Variants in STAB2 observed in about 807,000 individuals in gnomAD.
STAB2 encodes stabilin 2, also known as stabilin-2.
A neutral mutation model predicts 338.1 loss-of-function variants in STAB2; 288 were observed. That is an observed-to-expected ratio of 0.85 (90% CI 0.77 to 0.94). STAB2 has a LOEUF of 0.94. Among genes scored for constraint, STAB2 ranks in the 40% least tolerant of loss-of-function variants. STAB2 has a pLI of 0.00. For missense variants in STAB2, 3,141 were observed against 3,210.1 expected (o/e 0.98, Z 0.52); for synonymous variants, 1,202 against 1,193.3 (o/e 1.01, Z -0.15).
rs140478854 is a variant in STAB2 at position 103,611,619 on chromosome 12, T to C, written c.332-8849T>C. Reference sequence around the variant, plus strand: ...GATGGGTTTCCTGAGTACAGCACACTGATGGGTCTTGACTCTTTATGCAAT... The same window carrying C: ...GATGGGTTTCCTGAGTACAGCACACCGATGGGTCTTGACTCTTTATGCAAT... On this transcript the variant is annotated intron_variant, in intron 3 of 68. Coordinates refer to ENST00000388887, the MANE Select transcript of STAB2 (RefSeq NM_017564.10). Among the ~76,000 whole-genome samples, 76 of 152,328 alleles carry C rather than the reference T, an allele frequency of 5.0e-4. No individual in the cohort carries two copies. In the East Asian group the frequency reaches 0.014, roughly 27 times the overall value.
At chr12:103,648,432 G>T (rs575325075) in intron 9 of STAB2, among the ~76,000 whole-genome samples, 3 of 152,090 alleles carry the variant, frequency 2.0e-5, no homozygotes, top group Non-Finnish European at 4.4e-5. Flanking sequence ...GATGTGCATG[G>T]TTTCTTGATC....
rs1262056739 is a variant in STAB2, at chr12:103,708,515, C to A, written c.4267C>A (p.Arg1423=). The A allele has an allele frequency of 1.9e-6, 3 of 1,613,860 alleles. No homozygotes were observed. The highest frequency in any genetic ancestry group is 2.5e-6 in the Non-Finnish European group (3 of 1,179,908). The change falls in exon 39 of 69, where the codon CGA becomes AGA. Residue 1423 remains arginine, a synonymous_variant. Transcript: ENST00000388887. ...DGSCDCDVGW[R]GVHCDNATTE... Reference sequence around the variant, plus strand: ...CTCCTGTGACTGTGATGTTGGCTGGCGAGGAGTGCATTGTGACAATGGTAA... The same window carrying A: ...CTCCTGTGACTGTGATGTTGGCTGGAGAGGAGTGCATTGTGACAATGGTAA...
chr12:103,754,224 C>G (rs1883917463), intron 61 of STAB2, among the ~76,000 whole-genome samples: 1 of 152,020 alleles, frequency 6.6e-6, no homozygotes, highest in Non-Finnish European at 1.5e-5. Flanking sequence ...CTCCTGCTTG[C>G]TGGTCATGTG....
At position 103,719,354 on chromosome 12, in the gene STAB2, CAAAG is replaced by C. The variant is rs138627666; in HGVS notation, c.4683+1515_4683+1518del. ...ACTGTTATTAACCCCATTTTACAGACAAAGAGACTCTAGCTGTGCCTCTTTCCTA... is the reference window on the plus strand; with the variant it reads ...ACTGTTATTAACCCCATTTTACAGACAGACTCTAGCTGTGCCTCTTTCCTA... On this transcript the variant is annotated intron_variant, in intron 44 of 68. Coordinates refer to ENST00000388887, the MANE Select transcript of STAB2 (RefSeq NM_017564.10). Among the ~76,000 whole-genome samples, 894 of 152,330 alleles carry C rather than the reference CAAAG, an allele frequency of 5.9e-3. 10 individuals are homozygous for C. Among genetic ancestry groups the C allele is most frequent in the African/African-American group, 0.02 (850 of 41,564 alleles).
At chr12:103,695,939 C>A in intron 33 of STAB2, 95 bp downstream of exon 33, 1 of 1,145,364 alleles carries the variant, frequency 8.7e-7, no homozygotes, top group Non-Finnish European at 1.3e-6. Flanking sequence ...TTCACTCCTT[C>A]ATCCTTGTCC....
chr12:103,666,973 T>C (rs548585647), intron 19 of STAB2, among the ~76,000 whole-genome samples: 1 of 152,322 alleles, frequency 6.6e-6, no homozygotes, highest in African/African-American at 2.4e-5. Context: ...AGGAAAACAG[T>C]TGTGCAATGA....
At chr12:103,594,555 C>A in intron 3 of STAB2, 45 bp downstream of exon 3, 1 of 1,437,548 alleles carries the variant, frequency 7.0e-7, no homozygotes. Context: ...TTCTTGGTAT[C>A]TCATTTGGTA....
chr12:103,609,150 G>A (rs1957080847), intron 3 of STAB2, among the ~76,000 whole-genome samples: 2 of 152,174 alleles, frequency 1.3e-5, no homozygotes, highest in Non-Finnish European at 2.9e-5. Context: ...TTTTGGCTTA[G>A]GATTGTCTTG....
At chr12:103,649,830 G>A (rs1055136743) in intron 10 of STAB2, among the ~76,000 whole-genome samples, 2 of 152,102 alleles carry the variant, frequency 1.3e-5, no homozygotes, top group Non-Finnish European at 2.9e-5. Context: ...ACCAGACAGG[G>A]GGGAGGTAGT....
intron 33 of STAB2, 66 bp downstream of exon 33, chr12:103,695,910 T>C: frequency 6.7e-7 from 1 of 1,487,242 alleles, no homozygotes; most frequent in Non-Finnish European, 9.4e-7. Flanking sequence ...GTGTTTGTAA[T>C]CCATTAGTTG....
intron 64 of STAB2, 126 bp downstream of exon 64, chr12:103,758,415 G>T: frequency 6.8e-7 from 1 of 1,478,476 alleles, no homozygotes; most frequent in Non-Finnish European, 9.1e-7. Flanking sequence ...ATCATCTGCA[G>T]ATCAGTTGGC....
chr12:103,622,164 A>G, intron 5 of STAB2, 53 bp downstream of exon 5: 1 of 1,576,022 alleles, frequency 6.3e-7, no homozygotes, highest in Non-Finnish European at 8.7e-7. Flanking sequence ...ACAGTCCATG[A>G]GAAAGATTGC....
chr12:103,745,019 A>T (rs1276466292), intron 56 of STAB2, among the ~76,000 whole-genome samples, 154 bp from the exon 57 acceptor site: 1 of 152,184 alleles, frequency 6.6e-6, no homozygotes, highest in Admixed American at 6.5e-5. Flanking sequence ...TCCCTGAATA[A>T]GTTATTTTTT....
rs756232789 is a variant in STAB2, at chr12:103,755,722, T to G, written c.6987+4T>G. The G allele has an allele frequency of 6.2e-7, 1 of 1,614,066 alleles. No homozygotes were observed. Among genetic ancestry groups the G allele is most frequent in the South Asian group, 1.1e-5 (1 of 91,078 alleles). Reference sequence around the variant, plus strand: ...CTCACTCACAAACTTCCTGACGGTATGTACCATGTCTGCTTGGTTTGCCTC... The same window carrying G: ...CTCACTCACAAACTTCCTGACGGTAGGTACCATGTCTGCTTGGTTTGCCTC... On this transcript the variant is annotated splice_donor_region_variant and intron_variant, in intron 63 of 68. Transcript: ENST00000388887.
intron 9 of STAB2, among the ~76,000 whole-genome samples, chr12:103,641,828 T>C (rs944260411): frequency 1.3e-5 from 2 of 152,170 alleles, no homozygotes; most frequent in Non-Finnish European, 2.9e-5. Context: ...ACACCTCAAA[T>C]TGACTGTCTT....
At chr12:103,747,995 CAAAAAAAAA>C (rs57369480) in intron 58 of STAB2, among the ~76,000 whole-genome samples, 22 of 96,740 alleles carry the variant, frequency 2.3e-4, no homozygotes, top group Admixed American at 4.5e-4. Flanking sequence ...ACTCTGTCTC[CAAAAAAAAA>C]AAAAAAAAAA....
chr12:103,683,406 AC>A (rs1344019228), intron 26 of STAB2, 106 bp downstream of exon 26: 9 of 973,684 alleles, frequency 9.2e-6, no homozygotes, highest in Admixed American at 2.8e-5. Flanking sequence ...AAAATCTCTT[AC>A]CCCCAAAAGG....
chr12:103,739,783 C>T (rs1048055131), intron 54 of STAB2, among the ~76,000 whole-genome samples: 1 of 152,144 alleles, frequency 6.6e-6, no homozygotes, highest in Non-Finnish European at 1.5e-5. Flanking sequence ...TCTCCATGTC[C>T]CAGGCTCTGT....
chr12:103,711,818 T>C (rs1457590305), intron 40 of STAB2, among the ~76,000 whole-genome samples: 3 of 152,194 alleles, frequency 2.0e-5, no homozygotes, highest in African/African-American at 7.2e-5. Context: ...TCAGTTTCCA[T>C]AAACCTTGTT....
Sources: gnomAD v4.1 joint callset for allele counts (sites outside exome capture counted in the v4.1 genomes callset) on GRCh38, gnomAD v4.1.1 for gene constraint, MANE v1.5 for transcripts, NCBI Gene and HGNC (gene_info 2026-07-23, HGNC 2026-07-21) for gene names.